Variants in GAS5 observed in about 807,000 individuals in gnomAD.
The protein encoded by GAS5 is growth arrest specific 5, also known as growth arrest specific 5 (non-protein coding).
chr1:173,865,767 T>C (rs1229451436), intron 5 of GAS5: 9 of 518,692 alleles, frequency 1.7e-5, no homozygotes, highest in Admixed American at 9.7e-5. Flanking sequence ...TCAGTATTCA[T>C]CAGCCAAGCC....
At chr1:173,866,305 A>G (rs572699556) in intron 3 of GAS5, 2 of 517,282 alleles carry the variant, frequency 3.9e-6, no homozygotes, top group African/African-American at 3.8e-5. Flanking sequence ...TACCCCAGAT[A>G]CATCAGACAG....
exon 1 of GAS5, chr1:173,867,043 C>T (rs897378416): frequency 9.5e-6 from 7 of 733,072 alleles, no homozygotes; most frequent in Non-Finnish European, 1.5e-5. Flanking sequence ...CAGCACCATA[C>T]CTAAAGAGAT....
chr1:173,863,914 T>C, intron 7 of GAS5: 1 of 261,018 alleles, frequency 3.8e-6, no homozygotes, highest in South Asian at 4.3e-5. Context: ...ATTGCAAAAA[T>C]TTATTAAAAT....
Position 173,866,709 on chromosome 1 carries a change from T to C in GAS5, n.91+52A>G, listed in dbSNP as rs769224808. The C allele has an allele frequency of 1.0e-5, 8 of 765,474 alleles. No individual in the cohort carries two copies. The South Asian group carries it at 1.1e-4, about 10-fold the overall frequency. 47.4% of individuals were successfully genotyped at this position (765,474 alleles called of 1,614,324 possible). On this transcript the variant is annotated intron_variant and non_coding_transcript_variant, in intron 2 of 7. Coordinates refer to ENST00000651080, the Ensembl canonical transcript of GAS5. ...AGAGTAGCAAATAAACTGTCATCAT[T>C]GTGGCACATCCAATGGCTTTAAACC...
intron 6 of GAS5, chr1:173,865,292 T>C: frequency 2.3e-6 from 1 of 432,168 alleles, no homozygotes. Flanking sequence ...CCTGTAGAAA[T>C]TTAATCTCCT....
intron 3 of GAS5, chr1:173,866,345 TG>T (rs746916540): frequency 1.1e-5 from 6 of 524,678 alleles, no homozygotes; most frequent in African/African-American, 9.6e-5. Flanking sequence ...TTAAATCTGC[TG>T]AACTATGCAA....
At chr1:173,866,717 A>G (rs2102688896) in intron 2 of GAS5, 6 of 765,500 alleles carry the variant, frequency 7.8e-6, no homozygotes, top group Non-Finnish European at 1.4e-5. Flanking sequence ...ATTGTGGCAC[A>G]TCCAATGGCT....
chr1:173,864,794 C>G lies in GAS5; in HGVS notation n.277-490G>C, dbSNP rs773771208. ...CAAACATTATAGAATGGCTATATTC[C>G]CCTTTTCGGGGCATAAACTAGAATG... On this transcript the variant is annotated intron_variant and non_coding_transcript_variant, in intron 6 of 7. Transcript: ENST00000651080. 4 of 518,276 alleles carry G rather than the reference C, an allele frequency of 7.7e-6. No homozygotes were observed. The Admixed American group carries it at 7.8e-5, about 10-fold the overall frequency. The allele number at this position is 518,276 out of a possible 1,614,324, so 32.1% of individuals were successfully genotyped here.
At chr1:173,866,971 A>G (rs376398906) in intron 1 of GAS5, 149 of 765,302 alleles carry the variant, frequency 1.9e-4, no homozygotes, top group Non-Finnish European at 3.5e-4. Flanking sequence ...TCTTCCCACC[A>G]TACTTTCCCC....
chr1:173,867,908 A>T (rs1655065483), upstream of GAS5: 1 of 383,652 alleles, frequency 2.6e-6, no homozygotes, highest in South Asian at 1.9e-5. Context: ...ACCTTAGCAG[A>T]CAAAGGCTGG....
At chr1:173,867,288 G>A (rs772530150), upstream of GAS5, 1 of 477,490 alleles carries the variant, frequency 2.1e-6, no homozygotes, top group Non-Finnish European at 3.7e-6. Context: ...GGGGGACCAC[G>A]GCTGGTGGAT....
intron 5 of GAS5, chr1:173,865,660 TCAGA>T (rs1242069333): frequency 5.8e-6 from 3 of 519,218 alleles, no homozygotes; most frequent in African/African-American, 5.8e-5. Flanking sequence ...TCATTTCAGG[TCAGA>T]CATTTGATCA....
At chr1:173,865,897 A>G in intron 4 of GAS5, 2 of 518,982 alleles carry the variant, frequency 3.9e-6, no homozygotes, top group Non-Finnish European at 7.7e-6. Flanking sequence ...GACTCCACCT[A>G]AGAAATAAGA....
At chr1:173,866,456 T>TA (rs1364152614) in intron 3 of GAS5, 15 of 626,294 alleles carry the variant, frequency 2.4e-5, no homozygotes, top group Non-Finnish European at 3.9e-5. Context: ...AGCACTAACA[T>TA]AGATAATCAT....
intron 2 of GAS5, chr1:173,866,597 G>GGTGTAC (rs1394831057): frequency 1.3e-6 from 1 of 763,060 alleles, no homozygotes; most frequent in Non-Finnish European, 2.4e-6. Flanking sequence ...TGTGAACTTA[G>GGTGTAC]GTGTACTCTC....
At chr1:173,867,454 A>G (rs1301001402), upstream of GAS5, 6 of 361,142 alleles carry the variant, frequency 1.7e-5, no homozygotes, top group African/African-American at 8.5e-5. Context: ...GGAGGTTGCC[A>G]TTAACCGATG....
At chr1:173,864,138 T>C (rs939880804) in intron 7 of GAS5, 1 of 516,820 alleles carries the variant, frequency 1.9e-6, no homozygotes, top group East Asian at 5.5e-5. Context: ...AAATGCTACA[T>C]GGGAATGCAG....
At chr1:173,867,058 TAC>T (rs911651098), upstream of GAS5, 9 of 702,456 alleles carry the variant, frequency 1.3e-5, no homozygotes, top group African/African-American at 1.4e-4. Flanking sequence ...AGAGATCAGG[TAC>T]AGATTTTAAT....
exon 7 of GAS5, chr1:173,864,286 G>GC: frequency 3.9e-6 from 2 of 513,282 alleles, no homozygotes; most frequent in Admixed American, 1.9e-5. Flanking sequence ...ATGCTTGCTT[G>GC]TTGTGGTCAT....
Sources: gnomAD v4.1 joint callset for allele counts on GRCh38, gnomAD v4.1.1 for gene constraint, MANE v1.5 for transcripts, NCBI Gene and HGNC (gene_info 2026-07-23, HGNC 2026-07-21) for gene names.